Variants in KIAA1671 observed in about 807,000 individuals in gnomAD.
KIAA1671 encodes KIAA1671.
KIAA1671 carries 52 observed loss-of-function variants against 131.2 expected under a neutral mutation model. That is an observed-to-expected ratio of 0.40 (90% CI 0.32 to 0.50). The LOEUF is 0.50. Ranked by LOEUF, KIAA1671 falls within the 20% of genes least tolerant of loss-of-function variation. The pLI, the probability that KIAA1671 is intolerant of heterozygous loss-of-function variation, is 0.73. For synonymous variants in KIAA1671, 1,003 were observed against 961.6 expected (o/e 1.04, Z -0.80); for missense variants, 2,360 against 2,364.2 (o/e 1.00, Z 0.04).
Position 25,093,682 on chromosome 22 carries a change from G to GACACACACAC in KIAA1671, c.4530+44365_4530+44374dup, listed in dbSNP as rs67802603. 1.0e-3 allele frequency among the ~76,000 whole-genome samples: 50 copies of GACACACACAC among 49,948 alleles called. 2 individuals are homozygous for GACACACACAC. The highest frequency in any genetic ancestry group is 3.0e-3 in the East Asian group (5 of 1,660). 32.8% of individuals were successfully genotyped at this position (49,948 alleles called of 152,430 possible). ...GGTACCGGGATCTTCCCTGCCCCCC[G>GACACACACAC]ACACACACACACACACACACACACA... On this transcript the variant is annotated intron_variant, in intron 6 of 12. Coordinates refer to ENST00000358431, the MANE Select transcript of KIAA1671 (RefSeq NM_001145206.2).
At chr22:25,006,318 C>T (rs913505000) in intron 1 of KIAA1671, among the ~76,000 whole-genome samples, 5 of 152,142 alleles carry the variant, frequency 3.3e-5, no homozygotes, top group African/African-American at 1.2e-4. Flanking sequence ...AGATGTGAGC[C>T]ACTGTACCTG....
intron 6 of KIAA1671, among the ~76,000 whole-genome samples, chr22:25,122,413 C>T (rs1931987824): frequency 6.6e-6 from 1 of 152,106 alleles, no homozygotes; most frequent in Admixed American, 6.5e-5. Flanking sequence ...CTACCCTTTC[C>T]CTAGAGATTT....
chr22:25,099,161 T>A (rs1305547835), intron 6 of KIAA1671, among the ~76,000 whole-genome samples: 1 of 152,198 alleles, frequency 6.6e-6, no homozygotes, highest in Non-Finnish European at 1.5e-5. Flanking sequence ...ACTCTCTGCC[T>A]CAGTTTTCTT....
chr22:25,011,459 G>T (rs1477898049), intron 1 of KIAA1671: 1 of 150,850 alleles, frequency 6.6e-6, no homozygotes, highest in African/African-American at 2.4e-5. Flanking sequence ...CCTAATCTTT[G>T]TATTTTTAGC....
At chr22:24,969,275 CAG>C (rs1922473730) in intron 1 of KIAA1671, among the ~76,000 whole-genome samples, 1 of 152,198 alleles carries the variant, frequency 6.6e-6, no homozygotes, top group African/African-American at 2.4e-5. Context: ...AGATCTCCCT[CAG>C]ATACCGAAAT....
At chr22:25,093,548 C>T (rs945160687) in intron 6 of KIAA1671, among the ~76,000 whole-genome samples, 2 of 152,096 alleles carry the variant, frequency 1.3e-5, no homozygotes, top group African/African-American at 2.4e-5. Flanking sequence ...AGAAGTCCTT[C>T]CTCCAAGGGA....
At chr22:25,048,064 G>A (rs1355872943) in intron 5 of KIAA1671, among the ~76,000 whole-genome samples, 5 of 152,190 alleles carry the variant, frequency 3.3e-5, no homozygotes, top group African/African-American at 9.7e-5. Context: ...GGAGAAAAGT[G>A]GGAGAGAATG....
chr22:25,138,610 T>C (rs1170446847), intron 6 of KIAA1671, among the ~76,000 whole-genome samples: 1 of 152,242 alleles, frequency 6.6e-6, no homozygotes, highest in Non-Finnish European at 1.5e-5. Flanking sequence ...TCACCTATTC[T>C]CATGTACAGC....
At position 24,958,543 on chromosome 22, in the gene KIAA1671, C is replaced by A. The variant is rs893047119; in HGVS notation, c.-208+5771C>A. Reference sequence around the variant, plus strand: ...TGGGGCACCTGTAATCCCAGCTACTCGGGAGGCTGAGGCAGGAGAATCCCT... The same window carrying A: ...TGGGGCACCTGTAATCCCAGCTACTAGGGAGGCTGAGGCAGGAGAATCCCT... On this transcript the variant is annotated intron_variant, in intron 1 of 12. Coordinates refer to ENST00000358431, the MANE Select transcript of KIAA1671 (RefSeq NM_001145206.2). Among the ~76,000 whole-genome samples, 3 of 150,086 alleles carry A rather than the reference C, an allele frequency of 2.0e-5. No individual in the cohort carries two copies. The South Asian group carries it at 6.3e-4, about 32-fold the overall frequency.
intron 6 of KIAA1671, among the ~76,000 whole-genome samples, chr22:25,100,878 A>G (rs1930626123): frequency 6.6e-6 from 1 of 152,214 alleles, no homozygotes; most frequent in African/African-American, 2.4e-5. Flanking sequence ...AAAGAAGGCC[A>G]GAAAGGCCTT....
chr22:25,055,966 C>T (rs951916406), intron 6 of KIAA1671: 3 of 149,312 alleles, frequency 2.0e-5, no homozygotes, highest in Non-Finnish European at 4.5e-5. Flanking sequence ...AACCATCCTC[C>T]CACCTCAGCT....
intron 6 of KIAA1671, among the ~76,000 whole-genome samples, chr22:25,096,775 C>T (rs1005630525): frequency 6.6e-6 from 1 of 152,164 alleles, no homozygotes; most frequent in Non-Finnish European, 1.5e-5. Context: ...GGAATCCACC[C>T]CTCCTTCCAT....
Position 25,028,275 on chromosome 22 carries a change from C to A in KIAA1671, c.276C>A (p.Ser92=). ...PSLRPSSTGP[S]PSGGLSEEPA... Reference sequence around the variant, plus strand: ...TGCGGCCCAGTTCGACTGGACCTTCCCCCTCTGGGGGGCTCTCTGAGGAGC... The same window carrying A: ...TGCGGCCCAGTTCGACTGGACCTTCACCCTCTGGGGGGCTCTCTGAGGAGC... Residue 92 remains serine, a synonymous_variant, in exon 3 of 13, where the codon TCC becomes TCA. Transcript: ENST00000358431. 1 of 1,551,524 alleles carries A rather than the reference C, an allele frequency of 6.4e-7. No individual in the cohort carries two copies. The highest frequency in any genetic ancestry group is 8.7e-7 in the Non-Finnish European group (1 of 1,147,006).
chr22:25,089,745 G>T (rs9624722), intron 6 of KIAA1671, among the ~76,000 whole-genome samples: 10,506 of 152,164 alleles, frequency 0.069, 1,177 homozygotes, highest in African/African-American at 0.24. Flanking sequence ...TGAACCAGTT[G>T]CCTCTAGACA....
chr22:24,963,034 G>T (rs968867764), intron 1 of KIAA1671, among the ~76,000 whole-genome samples: 1 of 152,070 alleles, frequency 6.6e-6, no homozygotes. Flanking sequence ...ATGAGTATCC[G>T]CAGGGGTCAC....
intron 1 of KIAA1671, among the ~76,000 whole-genome samples, chr22:25,001,272 C>T (rs1924468204): frequency 6.6e-6 from 1 of 151,406 alleles, no homozygotes; most frequent in Middle Eastern, 3.4e-3. Flanking sequence ...TATATATATG[C>T]ATGTGTATGT....
chr22:25,101,544 T>G (rs1212818828), intron 6 of KIAA1671, among the ~76,000 whole-genome samples: 1 of 152,196 alleles, frequency 6.6e-6, no homozygotes, highest in Non-Finnish European at 1.5e-5. Context: ...ACATCTTAGG[T>G]CACTAAAATG....
At chr22:24,977,923 A>T (rs1922998797) in intron 1 of KIAA1671, among the ~76,000 whole-genome samples, 1 of 152,168 alleles carries the variant, frequency 6.6e-6, no homozygotes, top group Non-Finnish European at 1.5e-5. Flanking sequence ...CTGGACCTGC[A>T]TAGCTTCTTG....
chr22:25,085,955 G>A (rs962036807), intron 6 of KIAA1671, among the ~76,000 whole-genome samples: 2 of 152,118 alleles, frequency 1.3e-5, no homozygotes, highest in Admixed American at 1.3e-4. Context: ...AGCAGAAACA[G>A]CCCCTATCTT....
Sources: allele counts gnomAD v4.1 joint callset (sites outside exome capture counted in the v4.1 genomes callset), GRCh38; gene constraint gnomAD v4.1.1; transcripts MANE v1.5; gene names NCBI Gene and HGNC (gene_info 2026-07-23, HGNC 2026-07-21).